The following HS6ST3 variants were observed in gnomAD, a reference collection of about 807,000 sequenced individuals.
HS6ST3 encodes the protein heparan sulfate 6-O-sulfotransferase 3.
HS6ST3 carries 12 observed loss-of-function variants against 36.7 expected under a neutral mutation model. The observed-to-expected ratio is 0.33, with a 90% CI of 0.21 to 0.53. The LOEUF is 0.53. Among genes scored for constraint, HS6ST3 ranks in the 20% least tolerant of loss-of-function variants. The pLI, the probability that HS6ST3 is intolerant of heterozygous loss-of-function variation, is 0.95. For synonymous variants in HS6ST3, 240 were observed against 257.5 expected (o/e 0.93, Z 0.65); for missense variants, 584 against 640.9 (o/e 0.91, Z 0.96).
chr13:96,120,480 T>C (rs1157752059), intron 1 of HS6ST3, among the ~76,000 whole-genome samples: 1 of 152,204 alleles, frequency 6.6e-6, no homozygotes, highest in African/African-American at 2.4e-5. Context: ...TGTCCTATTA[T>C]CTAAAAAATA....
At chr13:96,731,576 A>G (rs886660295) in intron 1 of HS6ST3, among the ~76,000 whole-genome samples, 15 of 152,094 alleles carry the variant, frequency 9.9e-5, no homozygotes, top group African/African-American at 3.6e-4. Context: ...TCTCTTTGAT[A>G]TATTGATTTC....
rs1375177722 is a variant in HS6ST3 at position 96,729,635 on chromosome 13, T to G, written c.708-102855T>G. Among the ~76,000 whole-genome samples the G allele has an allele frequency of 6.7e-5, 5 of 74,614 alleles. No individual in the cohort carries two copies. In the Admixed American group the frequency reaches 7.1e-4, roughly 11 times the overall value. 48.9% of individuals were successfully genotyped at this position (74,614 alleles called of 152,430 possible). A position where few individuals can be genotyped will look rare whatever the true frequency, so the allele number is the denominator to read the frequency against. ...CCATGCCCAGCTAATATTTTTTGTATTTTTTTTTTTTAGTAGAGCCAAAGT... is the reference window on the plus strand; with the variant it reads ...CCATGCCCAGCTAATATTTTTTGTAGTTTTTTTTTTTAGTAGAGCCAAAGT... On this transcript the variant is annotated intron_variant, in intron 1 of 1. Transcript: ENST00000376705.
At chr13:96,461,855 G>A (rs950903630) in intron 1 of HS6ST3, among the ~76,000 whole-genome samples, 5 of 152,008 alleles carry the variant, frequency 3.3e-5, no homozygotes, top group Non-Finnish European at 7.4e-5. Flanking sequence ...AACCTGATAA[G>A]GAGATTAGAA....
chr13:96,528,944 C>T (rs534191502), intron 1 of HS6ST3, among the ~76,000 whole-genome samples: 2 of 151,844 alleles, frequency 1.3e-5, no homozygotes, highest in African/African-American at 4.8e-5. Flanking sequence ...TTTCAGATTT[C>T]GGGAGTAAGT....
At chr13:96,640,748 G>A (rs2056567345) in intron 1 of HS6ST3, among the ~76,000 whole-genome samples, 1 of 151,980 alleles carries the variant, frequency 6.6e-6, no homozygotes, top group African/African-American at 2.4e-5. Context: ...ATTATAGGTA[G>A]GGGTCCAGTT....
intron 1 of HS6ST3, among the ~76,000 whole-genome samples, chr13:96,152,956 C>G (rs577754280): frequency 1.3e-5 from 2 of 152,138 alleles, no homozygotes; most frequent in South Asian, 4.1e-4. Flanking sequence ...GCACGCTGTT[C>G]GCATTCATTG....
At chr13:96,457,742 T>C (rs202171940) in intron 1 of HS6ST3, among the ~76,000 whole-genome samples, 1 of 152,130 alleles carries the variant, frequency 6.6e-6, no homozygotes, top group African/African-American at 2.4e-5. Context: ...GAAGTGGCTG[T>C]GTTAATTTAG....
intron 1 of HS6ST3, among the ~76,000 whole-genome samples, chr13:96,655,436 T>C (rs1255668730): frequency 6.6e-6 from 1 of 152,140 alleles, no homozygotes; most frequent in Non-Finnish European, 1.5e-5. Flanking sequence ...TTTTGAACTT[T>C]TACTCAAAAC....
At chr13:96,237,332 C>T (rs1246487170) in intron 1 of HS6ST3, among the ~76,000 whole-genome samples, 1 of 152,150 alleles carries the variant, frequency 6.6e-6, no homozygotes, top group Non-Finnish European at 1.5e-5. Context: ...CCTTTTATTA[C>T]AATAGGGAAA....
At chr13:96,193,539 A>ATC (rs2054298746) in intron 1 of HS6ST3, among the ~76,000 whole-genome samples, 1 of 152,186 alleles carries the variant, frequency 6.6e-6, no homozygotes, top group Non-Finnish European at 1.5e-5. Flanking sequence ...TCAGACAGCG[A>ATC]TCAATTTAAA....
chr13:96,491,230 A>G (rs1044057589), intron 1 of HS6ST3, among the ~76,000 whole-genome samples: 1 of 152,072 alleles, frequency 6.6e-6, no homozygotes, highest in African/African-American at 2.4e-5. Flanking sequence ...GAAATGCATT[A>G]AAAAAAGACA....
chr13:96,583,204 CTTTTTTTTTTTTT>C (rs71292889), intron 1 of HS6ST3, among the ~76,000 whole-genome samples: 7 of 52,930 alleles, frequency 1.3e-4, no homozygotes, highest in South Asian at 1.2e-3. Flanking sequence ...TTTTTCTTTT[CTTTTTTTTTTTTT>C]TTTTTTTTTT....
At chr13:96,497,701 A>C (rs574382696) in intron 1 of HS6ST3, among the ~76,000 whole-genome samples, 1 of 152,114 alleles carries the variant, frequency 6.6e-6, no homozygotes, top group Non-Finnish European at 1.5e-5. Flanking sequence ...CCCTAGGTTA[A>C]TATTGTAAAA....
chr13:96,214,172 A>T (rs2054412817), intron 1 of HS6ST3, among the ~76,000 whole-genome samples: 1 of 152,160 alleles, frequency 6.6e-6, no homozygotes, highest in African/African-American at 2.4e-5. Flanking sequence ...AACTATATAT[A>T]AAAGGTGTCA....
intron 1 of HS6ST3, among the ~76,000 whole-genome samples, chr13:96,191,777 CA>C (rs2054289634): frequency 6.6e-6 from 1 of 152,054 alleles, no homozygotes. Flanking sequence ...TTCAAATGGC[CA>C]AAGATGTGAA....
At chr13:96,475,653 A>C (rs1281325101) in intron 1 of HS6ST3, among the ~76,000 whole-genome samples, 2 of 151,834 alleles carry the variant, frequency 1.3e-5, no homozygotes, top group East Asian at 3.9e-4. Context: ...AATTGTCCTA[A>C]ATTGTTCTGA....
chr13:96,132,171 CAG>C (rs1387430127), intron 1 of HS6ST3, among the ~76,000 whole-genome samples: 14 of 131,592 alleles, frequency 1.1e-4, no homozygotes, highest in South Asian at 2.5e-4. Context: ...CACACACACA[CAG>C]AGCGCATTTT....
At chr13:96,376,327 C>T (rs979225390) in intron 1 of HS6ST3, among the ~76,000 whole-genome samples, 8 of 152,296 alleles carry the variant, frequency 5.3e-5, no homozygotes, top group African/African-American at 1.7e-4. Context: ...TTACCATAAA[C>T]CCCATATCAT....
intron 1 of HS6ST3, among the ~76,000 whole-genome samples, chr13:96,387,278 T>C (rs764653318): frequency 5.3e-5 from 8 of 152,218 alleles, no homozygotes; most frequent in Non-Finnish European, 1.2e-4. Flanking sequence ...GAGTAAAAAC[T>C]TGAACACTGT....
Sources: allele counts gnomAD v4.1 joint callset (sites outside exome capture counted in the v4.1 genomes callset), GRCh38; gene constraint gnomAD v4.1.1; transcripts MANE v1.5; gene names NCBI Gene and HGNC (gene_info 2026-07-23, HGNC 2026-07-21).